TMEM120B: variants seen among roughly 807,000 people sequenced by gnomAD.
The protein encoded by TMEM120B is transmembrane protein 120B.
In TMEM120B, 31 loss-of-function variants were observed where a neutral mutation model predicts 55.5. That is an observed-to-expected ratio of 0.56 (90% CI 0.42 to 0.75). TMEM120B has a LOEUF of 0.75. Ranked by LOEUF, TMEM120B falls within the 30% of genes least tolerant of loss-of-function variation. TMEM120B has a pLI of 0.00. For missense variants in TMEM120B, 399 were observed against 425.5 expected (o/e 0.94, Z 0.55); for synonymous variants, 203 against 176.3 (o/e 1.15, Z -1.20).
chr12:121,759,456 T>TC (rs1225778074), intron 5 of TMEM120B, among the ~76,000 whole-genome samples: 13 of 152,030 alleles, frequency 8.6e-5, no homozygotes, highest in African/African-American at 2.7e-4. Context: ...GGCAGGTGGA[T>TC]CACCTGAGGT....
chr12:121,719,121 T>C (rs977911593), intron 1 of TMEM120B, among the ~76,000 whole-genome samples: 3 of 152,074 alleles, frequency 2.0e-5, no homozygotes, highest in African/African-American at 7.2e-5. Context: ...GTGGCACTGA[T>C]TGGCCAGGTC....
chr12:121,749,490 T>C (rs776831841), intron 3 of TMEM120B, among the ~76,000 whole-genome samples: 12 of 152,222 alleles, frequency 7.9e-5, no homozygotes, highest in Non-Finnish European at 1.6e-4. Flanking sequence ...AAGACCAGCC[T>C]GGACAACATT....
rs1874446100 is a variant in TMEM120B at position 121,781,235 on chromosome 12, T to C, written c.*5513T>C. The C allele has an allele frequency of 1.3e-6, 2 of 1,558,928 alleles. No individual in the cohort carries two copies. The highest frequency in any genetic ancestry group is 1.7e-4 in the Middle Eastern group (1 of 5,946). On this transcript the variant is annotated 3_prime_UTR_variant, in exon 12 of 12. Coordinates refer to ENST00000449592, the MANE Select transcript of TMEM120B (RefSeq NM_001080825.2). Reference sequence around the variant, plus strand: ...CGGGGGTCAGGGGACGTCCCCTCCCTGTCTGGACTCTGACGGGTGAAGGGG... The same window carrying C: ...CGGGGGTCAGGGGACGTCCCCTCCCCGTCTGGACTCTGACGGGTGAAGGGG...
At chr12:121,737,373 C>T (rs897109146) in intron 1 of TMEM120B, among the ~76,000 whole-genome samples, 19 of 152,194 alleles carry the variant, frequency 1.2e-4, no homozygotes, top group African/African-American at 4.3e-4. Context: ...GGTGTGGTTG[C>T]ATGCACCCTT....
Position 121,779,146 on chromosome 12 carries a change from G to A in TMEM120B, c.*3424G>A. 3.7e-6 allele frequency: 1 copy of A among 270,570 alleles called. No homozygotes were observed. The highest frequency in any genetic ancestry group is 7.3e-6 in the Non-Finnish European group (1 of 136,388). 16.8% of individuals were successfully genotyped at this position (270,570 alleles called of 1,614,324 possible). ...GGGGCGCCCGCGTGGAACAGTGCCA[G>A]GTCTACGTTTACCCACTACCAGATA... On this transcript the variant is annotated 3_prime_UTR_variant, in exon 12 of 12. Transcript: ENST00000449592.
At chr12:121,746,155 C>T (rs949308417) in intron 2 of TMEM120B, among the ~76,000 whole-genome samples, 2 of 151,756 alleles carry the variant, frequency 1.3e-5, no homozygotes, top group East Asian at 3.9e-4. Flanking sequence ...GCCACCACAC[C>T]CAGCCCCTGG....
At chr12:121,736,410 C>T (rs539829327) in intron 1 of TMEM120B, among the ~76,000 whole-genome samples, 13 of 151,770 alleles carry the variant, frequency 8.6e-5, no homozygotes, top group East Asian at 5.8e-4. Context: ...CCTTGTGATC[C>T]GCCCGCCTTG....
intron 9 of TMEM120B, 50 bp from the exon 10 acceptor site, chr12:121,774,608 G>A (rs756464274): frequency 1.4e-4 from 219 of 1,587,770 alleles, no homozygotes; most frequent in Non-Finnish European, 1.8e-4. Context: ...TGGAGCTGTG[G>A]GGGCAGCGGA....
chr12:121,754,833 C>CGGGGCAGAGGA (rs948257375), intron 5 of TMEM120B, among the ~76,000 whole-genome samples: 3 of 152,148 alleles, frequency 2.0e-5, no homozygotes, highest in Non-Finnish European at 4.4e-5. Flanking sequence ...AGGCTAAAAA[C>CGGGGCAGAGGA]GGGGCAGAGG....
At chr12:121,724,797 A>G (rs1466989386) in intron 1 of TMEM120B, among the ~76,000 whole-genome samples, 1 of 151,626 alleles carries the variant, frequency 6.6e-6, no homozygotes, top group Non-Finnish European at 1.5e-5. Flanking sequence ...TTTTTAGTAG[A>G]GACGAGGTTT....
intron 1 of TMEM120B, among the ~76,000 whole-genome samples, chr12:121,715,925 A>G (rs553453556): frequency 2.0e-5 from 3 of 151,234 alleles, no homozygotes; most frequent in Non-Finnish European, 4.4e-5. Flanking sequence ...AACTCTCAAG[A>G]TGCAAGGCTC....
At chr12:121,749,575 G>A (rs1216090121) in intron 3 of TMEM120B, among the ~76,000 whole-genome samples, 2 of 152,242 alleles carry the variant, frequency 1.3e-5, no homozygotes, top group Admixed American at 6.5e-5. Context: ...CTACTTTGGC[G>A]ACTGAGGTGG....
At chr12:121,745,710 T>C (rs573726740) in intron 2 of TMEM120B, among the ~76,000 whole-genome samples, 2 of 142,390 alleles carry the variant, frequency 1.4e-5, no homozygotes, top group East Asian at 4.3e-4. Context: ...TTTGAGATAG[T>C]GTCTTGCTCT....
intron 1 of TMEM120B, among the ~76,000 whole-genome samples, chr12:121,723,192 G>T (rs1894830191): frequency 6.6e-6 from 1 of 151,938 alleles, no homozygotes; most frequent in Admixed American, 6.6e-5. Flanking sequence ...AGAGAGAGGG[G>T]GGTCTAACTC....
intron 1 of TMEM120B, among the ~76,000 whole-genome samples, chr12:121,736,216 C>G (rs909395472): frequency 4.6e-5 from 7 of 151,842 alleles, no homozygotes; most frequent in African/African-American, 1.7e-4. Flanking sequence ...GCTCTGTGGC[C>G]CAGGCTGGAG....
Position 121,780,583 on chromosome 12 carries a change from C to T in TMEM120B, c.*4861C>T, listed in dbSNP as rs7136373. The stretch of plus-strand genomic sequence containing the variant: ...GGGACCAGATCCTGGCTCCACTTCT[C>T]GCTAGCTGTGTGGCCCTGGGCAAGC... On this transcript the variant is annotated 3_prime_UTR_variant, in exon 12 of 12. Transcript: ENST00000449592. 11 of 519,356 alleles carry T rather than the reference C, an allele frequency of 2.1e-5. 1 individual carries two copies. The highest frequency in any genetic ancestry group is 1.3e-4 in the South Asian group (4 of 31,558). 32.2% of individuals were successfully genotyped at this position (519,356 alleles called of 1,614,324 possible). A position where few individuals can be genotyped will look rare whatever the true frequency, so the allele number is the denominator to read the frequency against.
Position 121,775,366 on chromosome 12 carries a change from TA to T in TMEM120B, c.906+237del, listed in dbSNP as rs1370282618. The T allele has an allele frequency of 4.3e-6, 4 of 939,260 alleles. No homozygotes were observed. Among genetic ancestry groups the T allele is most frequent in the Non-Finnish European group, 3.8e-6 (3 of 787,968 alleles). 58.2% of individuals were successfully genotyped at this position (939,260 alleles called of 1,614,324 possible). A position where few individuals can be genotyped will look rare whatever the true frequency, so the allele number is the denominator to read the frequency against. On this transcript the variant is annotated intron_variant, in intron 11 of 11. Transcript: ENST00000449592. This position sits in a 1 kb window ranked among gnomAD's most constrained non-coding sequence, Gnocchi z 4.3. Reference sequence around the variant, plus strand: ...CTTGGCGGGAGGCTTCTGGAAGGGCTAGGGGTGGAGCCTCTCCCAATCTGTG... The same window carrying T: ...CTTGGCGGGAGGCTTCTGGAAGGGCTGGGGTGGAGCCTCTCCCAATCTGTG...
At chr12:121,741,372 C>T (rs537880266) in intron 1 of TMEM120B, among the ~76,000 whole-genome samples, 1 of 152,116 alleles carries the variant, frequency 6.6e-6, no homozygotes, top group Non-Finnish European at 1.5e-5. Flanking sequence ...TCTTGTTGCC[C>T]AAGCTGGAGT....
chr12:121,780,115 TG>T lies in TMEM120B; in HGVS notation c.*4395del. 1 of 160,052 alleles carries T rather than the reference TG, an allele frequency of 6.2e-6. No homozygotes were observed. The highest frequency in any genetic ancestry group is 1.4e-5 in the Non-Finnish European group (1 of 71,854). The allele number at this position is 160,052 out of a possible 1,614,324, so 9.9% of individuals were successfully genotyped here. The stretch of plus-strand genomic sequence containing the variant: ...TCTTGTTACCCAGGCTGGAGTGCAA[TG>T]GCGCGATCTTGGTTCATCACAACCT... On this transcript the variant is annotated 3_prime_UTR_variant, in exon 12 of 12. Transcript: ENST00000449592.
Sources: allele counts gnomAD v4.1 joint callset (sites outside exome capture counted in the v4.1 genomes callset), GRCh38; gene constraint gnomAD v4.1.1; non-coding constraint Gnocchi (gnomAD v3.1); transcripts MANE v1.5; gene names NCBI Gene and HGNC (gene_info 2026-07-23, HGNC 2026-07-21).